Variants in PLEKHA7 observed in about 807,000 individuals in gnomAD.
PLEKHA7 encodes pleckstrin homology domain-containing family A member 7.
In PLEKHA7, 104 loss-of-function variants were observed where a neutral mutation model predicts 170.0. That is an observed-to-expected ratio of 0.61 (90% CI 0.52 to 0.72). The LOEUF (loss-of-function observed/expected upper bound fraction) is 0.72. PLEKHA7 is among the 30% of genes least tolerant of loss of function. The pLI, the probability that PLEKHA7 is intolerant of heterozygous loss-of-function variation, is 0.00. For synonymous variants in PLEKHA7, 648 were observed against 660.8 expected (o/e 0.98, Z 0.30); for missense variants, 1,615 against 1,671.7 (o/e 0.97, Z 0.59).
rs1857657588 is a variant in PLEKHA7 at position 16,906,225 on chromosome 11, A to AGGAG, written c.222-35044_222-35043insCTCC. ...AGAGGTGATCAAGTTAAAATGAGGT[A>AGGAG]GGAAGGAAGGAAGGAAGGAAGGAAG... On this transcript the variant is annotated intron_variant, in intron 3 of 26. Transcript: ENST00000531066. Among the ~76,000 whole-genome samples the AGGAG allele has an allele frequency of 7.2e-4, 4 of 5,592 alleles. No individual in the cohort carries two copies. The South Asian group carries it at 0.021, about 30-fold the overall frequency. 3.7% of individuals were successfully genotyped at this position (5,592 alleles called of 152,430 possible).
chr11:16,909,319 G>GA (rs2136139433), intron 3 of PLEKHA7, among the ~76,000 whole-genome samples: 1 of 152,272 alleles, frequency 6.6e-6, no homozygotes, highest in South Asian at 2.1e-4. Flanking sequence ...ACAGAAACAG[G>GA]AGCCTCTTAA....
chr11:16,790,201 C>T, intron 21 of PLEKHA7: 1 of 356,464 alleles, frequency 2.8e-6, no homozygotes, highest in Admixed American at 4.2e-5. Context: ...CCCCCTGATC[C>T]ATTCTTAGGC....
chr11:16,920,859 T>C (rs535230473), intron 3 of PLEKHA7, among the ~76,000 whole-genome samples: 2 of 152,368 alleles, frequency 1.3e-5, no homozygotes, highest in South Asian at 2.1e-4. Flanking sequence ...ACCCGTGGTA[T>C]CTCACTTTTT....
chr11:16,827,380 T>C (rs1320141128), intron 9 of PLEKHA7, among the ~76,000 whole-genome samples: 4 of 152,204 alleles, frequency 2.6e-5, no homozygotes, highest in African/African-American at 9.7e-5. Context: ...AGAAGATCGA[T>C]TATTTGCTCA....
intron 5 of PLEKHA7, chr11:16,855,544 T>G: frequency 2.2e-6 from 1 of 450,226 alleles, no homozygotes. Context: ...AACGTGGCCC[T>G]CCCAACCATG....
At chr11:16,845,675 G>A (rs556079966) in intron 8 of PLEKHA7, among the ~76,000 whole-genome samples, 1 of 152,218 alleles carries the variant, frequency 6.6e-6, no homozygotes, top group South Asian at 2.1e-4. Flanking sequence ...CCTTATTAAA[G>A]GGTTTAAACT....
At chr11:16,874,443 C>A (rs985159087) in intron 3 of PLEKHA7, among the ~76,000 whole-genome samples, 2 of 152,152 alleles carry the variant, frequency 1.3e-5, no homozygotes, top group African/African-American at 2.4e-5. Context: ...GGAGTCAAGG[C>A]TGCAGTGAGC....
At chr11:16,781,136 G>T in intron 26 of PLEKHA7, 1 of 485,458 alleles carries the variant, frequency 2.1e-6, no homozygotes, top group Non-Finnish European at 2.7e-6. Context: ...TGGCAGGCTG[G>T]GGTGGCATGG....
chr11:16,865,675 CA>C (rs1362119028), intron 4 of PLEKHA7, among the ~76,000 whole-genome samples: 1 of 151,000 alleles, frequency 6.6e-6, no homozygotes, highest in Admixed American at 6.6e-5. Flanking sequence ...CCAGCCTGGG[CA>C]ACACAGGGAG....
Position 16,855,926 on chromosome 11 carries a change from CAG to C in PLEKHA7, c.306-14_306-13del, listed in dbSNP as rs772594739. ...TATGTGGATTCGGCCTGTGAGGAGA[CAG>C]GGGATTCCAGTGAGTAAAAGCCGAG... On this transcript the variant is annotated splice_polypyrimidine_tract_variant and intron_variant, in intron 4 of 26. Transcript: ENST00000531066. 1.3e-6 allele frequency: 2 copies of C among 1,594,822 alleles called. No homozygotes were observed. The highest frequency in any genetic ancestry group is 2.2e-5 in the East Asian group (1 of 44,800).
chr11:16,781,755 C>A (rs927266812), intron 26 of PLEKHA7, among the ~76,000 whole-genome samples: 2 of 152,178 alleles, frequency 1.3e-5, no homozygotes, highest in African/African-American at 2.4e-5. Context: ...AAGCTCTGAT[C>A]TCCAGACAAG....
Position 16,789,430 on chromosome 11 carries a change from C to T in PLEKHA7, c.3157-134G>A, listed in dbSNP as rs1849639898. 1.2e-6 allele frequency: 1 copy of T among 815,130 alleles called. No individual in the cohort carries two copies. The highest frequency in any genetic ancestry group is 2.0e-6 in the Non-Finnish European group (1 of 512,608). The allele number at this position is 815,130 out of a possible 1,614,324, so 50.5% of individuals were successfully genotyped here. The stretch of plus-strand genomic sequence containing the variant: ...ACACTCTAGTTGGGCTCCTCTTGGC[C>T]TTAGAGAACTATTTCCTCTAAGCAA... On this transcript the variant is annotated intron_variant, in intron 22 of 26. Coordinates refer to ENST00000531066, the MANE Select transcript of PLEKHA7 (RefSeq NM_001329630.2). This position sits in a 1 kb window ranked among gnomAD's most constrained non-coding sequence, Gnocchi z 4.6.
chr11:16,863,673 G>A (rs533483672), intron 4 of PLEKHA7, among the ~76,000 whole-genome samples: 63 of 152,224 alleles, frequency 4.1e-4, no homozygotes, highest in African/African-American at 1.5e-3. Context: ...GCATTCGTCA[G>A]TGGCTCCCTG....
chr11:16,830,524 C>T (rs1456444071), intron 9 of PLEKHA7, among the ~76,000 whole-genome samples: 1 of 152,206 alleles, frequency 6.6e-6, no homozygotes. Context: ...ATAAAGAGCA[C>T]CTTGTCATAA....
Position 16,978,508 on chromosome 11 carries a change from G to A in PLEKHA7, c.221+35481C>T, listed in dbSNP as rs921148205. ...ATGGCAAAGTGGTAGCAGGCTAGAT[G>A]CTGCACGTGTGGTTTTCCATTCTTT... On this transcript the variant is annotated intron_variant, in intron 3 of 26. Coordinates refer to ENST00000531066, the MANE Select transcript of PLEKHA7 (RefSeq NM_001329630.2). Among the ~76,000 whole-genome samples, 4 of 152,348 alleles carry A rather than the reference G, an allele frequency of 2.6e-5. No homozygotes were observed. In the South Asian group the frequency reaches 8.3e-4, roughly 32 times the overall value.
At chr11:16,847,837 T>C (rs1335444272) in intron 8 of PLEKHA7, among the ~76,000 whole-genome samples, 4 of 116,240 alleles carry the variant, frequency 3.4e-5, no homozygotes, top group Admixed American at 8.8e-5. Flanking sequence ...AGCGAAATTC[T>C]GTCTCAAAAA....
chr11:17,005,716 A>C (rs1864950057), intron 3 of PLEKHA7, among the ~76,000 whole-genome samples: 1 of 152,196 alleles, frequency 6.6e-6, no homozygotes, highest in Non-Finnish European at 1.5e-5. Context: ...TTTCTTAAAG[A>C]CGTTTCCTTA....
chr11:16,995,838 T>C (rs945790037), intron 3 of PLEKHA7, among the ~76,000 whole-genome samples: 10 of 152,134 alleles, frequency 6.6e-5, no homozygotes, highest in Admixed American at 2.6e-4. Context: ...AAGGTCGTAA[T>C]TAGGATGCAG....
intron 3 of PLEKHA7, among the ~76,000 whole-genome samples, chr11:16,937,185 G>C (rs1264540906): frequency 6.6e-6 from 1 of 152,116 alleles, no homozygotes; most frequent in African/African-American, 2.4e-5. Context: ...ACGCTTGAAA[G>C]GGCCTTGATT....
Sources: allele counts gnomAD v4.1 joint callset (sites outside exome capture counted in the v4.1 genomes callset), GRCh38; gene constraint gnomAD v4.1.1; non-coding constraint Gnocchi (gnomAD v3.1); transcripts MANE v1.5; gene names NCBI Gene and HGNC (gene_info 2026-07-23, HGNC 2026-07-21).